Variants in MICALL2 observed in about 807,000 individuals in gnomAD.
MICALL2 encodes the protein MICAL-like protein 2.
Under a neutral mutation model 91.1 loss-of-function variants are expected in MICALL2, and 111 were observed. The observed-to-expected ratio is 1.22, with a 90% CI of 1.04 to 1.43. The LOEUF (loss-of-function observed/expected upper bound fraction) is 1.43. Ranked by LOEUF, MICALL2 falls within the 40% of genes most tolerant of loss-of-function variation. The pLI, the probability that MICALL2 is intolerant of heterozygous loss-of-function variation, is 0.00. For missense variants in MICALL2, 1,556 were observed against 1,236.0 expected, an observed-to-expected ratio of 1.26 and a Z score of -3.88; for synonymous variants, 694 against 525.3, an observed-to-expected ratio of 1.32 and a Z score of -4.39.
chr7:1,435,373 G>A (rs950239168), intron 15 of MICALL2, among the ~76,000 whole-genome samples: 11 of 149,982 alleles, frequency 7.3e-5, no homozygotes, highest in Non-Finnish European at 1.5e-4. Context: ...GGTACAGGAG[G>A]GCCCTGGGCC....
chr7:1,440,556 T>G (rs759961301), intron 8 of MICALL2, 35 bp downstream of exon 8: 2 of 1,559,862 alleles, frequency 1.3e-6, no homozygotes, highest in Non-Finnish European at 1.8e-6. Context: ...ACCTATGGTG[T>G]ACCAGGCCCT....
In MICALL2 at chr7:1,438,983, G is replaced by T; in HGVS notation, c.1979C>A (p.Ser660Tyr). The change falls in exon 10 of 17, where the codon TCC becomes TAC. Residue 660 changes from serine to tyrosine, a missense_variant. Physicochemically the swap from Ser to Tyr is moderately radical, Grantham distance 144. Transcript: ENST00000297508. ...GGCCAGTCTCCTGCGGCGGGGTGGGGAGGGGGACCTGGCTGCCCCCAGGTG... is the reference window on the plus strand; with the variant it reads ...GGCCAGTCTCCTGCGGCGGGGTGGGTAGGGGGACCTGGCTGCCCCCAGGTG... ...PGPSLPARSP[S>Y]PPRRRRLAVP... The T allele has an allele frequency of 1.3e-6, 2 of 1,595,168 alleles. No individual in the cohort carries two copies. The highest frequency in any genetic ancestry group is 2.2e-5 in the South Asian group (2 of 90,922).
chr7:1,446,599 G>A, intron 5 of MICALL2, 114 bp downstream of exon 5: 1 of 691,358 alleles, frequency 1.4e-6, no homozygotes. Context: ...GAGGGGAGAG[G>A]GGAGAGGAAC....
chr7:1,451,700 G>A lies in MICALL2; in HGVS notation c.144-1412C>T, dbSNP rs1780834236. ...GACCCCGGCCAGCCTCGGTCTCAGG[G>A]CCTCAGTCTCCCTGTCTGGGAGGAC... On this transcript the variant is annotated intron_variant, in intron 1 of 16. Transcript: ENST00000297508. This position sits in a 1 kb window ranked among gnomAD's most constrained non-coding sequence, Gnocchi z 4.5. Among the ~76,000 whole-genome samples, 1 of 152,208 alleles carries A rather than the reference G, an allele frequency of 6.6e-6. No homozygotes were observed. Among genetic ancestry groups the A allele is most frequent in the South Asian group, 2.1e-4 (1 of 4,834 alleles).
intron 6 of MICALL2, among the ~76,000 whole-genome samples, chr7:1,444,057 G>A (rs1443426433): frequency 7.7e-6 from 1 of 129,948 alleles, no homozygotes; most frequent in African/African-American, 2.9e-5. Context: ...CGCCAGCGTG[G>A]GTCCCGCTCG....
Position 1,438,906 on chromosome 7 carries a change from C to T in MICALL2, c.2056G>A (p.Gly686Ser). 2 of 1,609,972 alleles carry T rather than the reference C, an allele frequency of 1.2e-6. No homozygotes were observed. Among genetic ancestry groups the T allele is most frequent in the East Asian group, 4.5e-5 (2 of 44,880 alleles). The change falls in exon 10 of 17, where the codon GGC becomes AGC. Residue 686 changes from glycine (G) to serine (S), a missense_variant. By Grantham distance (56) the Gly-to-Ser change is moderately conservative. Coordinates refer to ENST00000297508, the MANE Select transcript of MICALL2 (RefSeq NM_182924.4). ...CAGCTCTGCACTCGGGCTTCCTGGC[C>T]AGGGGGCTCCGGCCGAAGCCAGTTG... ...CDNWLRPEPPGQEARVQSWKE... is the reference protein window; with the variant it reads ...CDNWLRPEPPSQEARVQSWKE...
At position 1,434,506 on chromosome 7, in the gene MICALL2, A is replaced by G; in HGVS notation, c.*90T>C. The G allele has an allele frequency of 8.5e-7, 1 of 1,177,418 alleles. No homozygotes were observed. Among genetic ancestry groups the G allele is most frequent in the South Asian group, 1.2e-5 (1 of 82,000 alleles). The allele number at this position is 1,177,418 out of a possible 1,614,324, so 72.9% of individuals were successfully genotyped here. On this transcript the variant is annotated 3_prime_UTR_variant, in exon 17 of 17. Coordinates refer to ENST00000297508, the MANE Select transcript of MICALL2 (RefSeq NM_182924.4). ...GGGCCGAGCCCACGGCCCCGAGTAC[A>G]AGTCCGGGTTCCGGGTCCGGGCCAA...
chr7:1,455,445 G>A (rs1054788630), intron 1 of MICALL2, among the ~76,000 whole-genome samples: 1 of 152,228 alleles, frequency 6.6e-6, no homozygotes, highest in Non-Finnish European at 1.5e-5. Context: ...GCGGGCACAG[G>A]CAGGCTGACC....
intron 4 of MICALL2, 92 bp downstream of exon 4, chr7:1,447,483 G>A: frequency 1.3e-6 from 1 of 775,636 alleles, no homozygotes; most frequent in Non-Finnish European, 2.0e-6. Context: ...TGGGTCCCGT[G>A]GCTTAGGGGC....
At position 1,444,645 on chromosome 7, in the gene MICALL2, C is replaced by CGCGCCTT. The variant is rs1780475076; in HGVS notation, c.1418+6_1418+7insAAGGCGC. ...TACCCGGGGTCCCTCGGTCCCCACG[C>CGCGCCTT]GCTCACCTGCCAGGCGCCGGAGCGC... On this transcript the variant is annotated splice_region_variant and intron_variant, in intron 6 of 16. Coordinates refer to ENST00000297508, the MANE Select transcript of MICALL2 (RefSeq NM_182924.4). The CGCGCCTT allele has an allele frequency of 6.2e-7, 1 of 1,606,680 alleles. No homozygotes were observed. The highest frequency in any genetic ancestry group is 1.3e-5 in the African/African-American group (1 of 74,852).
chr7:1,448,063 A>C (rs913411780), intron 3 of MICALL2: 26 of 132,880 alleles, frequency 2.0e-4, no homozygotes, highest in Non-Finnish European at 3.8e-4. Context: ...TAAACCCTAG[A>C]AGAGGAATGT....
intron 1 of MICALL2, among the ~76,000 whole-genome samples, chr7:1,453,904 T>C (rs960665074): frequency 6.6e-6 from 1 of 152,172 alleles, no homozygotes; most frequent in African/African-American, 2.4e-5. Context: ...CTTTCAACAC[T>C]GGCTGAAGGA....
At chr7:1,441,955 A>ATGGGG (rs1203143943) in intron 7 of MICALL2, 11 of 574,928 alleles carry the variant, frequency 1.9e-5, no homozygotes, top group South Asian at 4.1e-5. Flanking sequence ...GGACGTGCGG[A>ATGGGG]TGGGGTGGGC....
chr7:1,444,284 A>T (rs1242899538), intron 6 of MICALL2, among the ~76,000 whole-genome samples: 1 of 129,706 alleles, frequency 7.7e-6, no homozygotes. Flanking sequence ...GTCCACTCAG[A>T]CCCGCCAGCG....
At position 1,452,869 on chromosome 7, in the gene MICALL2, G is replaced by A. The variant is rs1430903508; in HGVS notation, c.144-2581C>T. On this transcript the variant is annotated intron_variant, in intron 1 of 16. Transcript: ENST00000297508. The surrounding 1 kb of genome is among the most constrained non-coding windows in gnomAD (Gnocchi z 6.2). Reference sequence around the variant, plus strand: ...CTGCACCACCCCGGCCGGTCCCACAGCCACCACCCATCCTGCCCCAAGCTC... The same window carrying A: ...CTGCACCACCCCGGCCGGTCCCACAACCACCACCCATCCTGCCCCAAGCTC... Among the ~76,000 whole-genome samples, 1 of 152,050 alleles carries A rather than the reference G, an allele frequency of 6.6e-6. No homozygotes were observed. Among genetic ancestry groups the A allele is most frequent in the African/African-American group, 2.4e-5 (1 of 41,400 alleles).
rs1016892483 is a variant in MICALL2 at position 1,444,292 on chromosome 7, G to A, written c.1418+360C>T. Among the ~76,000 whole-genome samples, 5 of 151,726 alleles carry A rather than the reference G, an allele frequency of 3.3e-5. No individual in the cohort carries two copies. The East Asian group carries it at 7.8e-4, about 24-fold the overall frequency. Reference sequence around the variant, plus strand: ...TCCCCGCGTCCACTCAGACCCGCCAGCGTGGGTCCCGCTCGCGACCTGTCC... The same window carrying A: ...TCCCCGCGTCCACTCAGACCCGCCAACGTGGGTCCCGCTCGCGACCTGTCC... On this transcript the variant is annotated intron_variant, in intron 6 of 16. Coordinates refer to ENST00000297508, the MANE Select transcript of MICALL2 (RefSeq NM_182924.4).
At chr7:1,438,625 T>C (rs1780104305) in intron 10 of MICALL2, 9 of 1,419,234 alleles carry the variant, frequency 6.3e-6, no homozygotes, top group Admixed American at 2.9e-5. Flanking sequence ...AGACATTCCA[T>C]CATCACCATG....
At chr7:1,450,438 C>A in intron 1 of MICALL2, 150 bp from the exon 2 acceptor site, 1 of 691,182 alleles carries the variant, frequency 1.4e-6, no homozygotes, top group Middle Eastern at 3.6e-4. Context: ...CACAGGTGGG[C>A]AGAGGCCAGG....
At chr7:1,442,044 C>G in intron 7 of MICALL2, 148 bp downstream of exon 7, 4 of 913,470 alleles carry the variant, frequency 4.4e-6, no homozygotes, top group Non-Finnish European at 6.7e-6. Context: ...CAGGAGGCTG[C>G]GAGCAGGTGT....
Sources: gnomAD v4.1 joint callset for allele counts (sites outside exome capture counted in the v4.1 genomes callset) on GRCh38, gnomAD v4.1.1 for gene constraint, Gnocchi (gnomAD v3.1) non-coding constraint, MANE v1.5 for transcripts, NCBI Gene and HGNC (gene_info 2026-07-23, HGNC 2026-07-21) for gene names.